The following VWA3B variants were observed in gnomAD, a reference collection of about 807,000 sequenced individuals.
VWA3B encodes the protein von Willebrand factor A domain-containing protein 3B.
VWA3B carries 138 observed loss-of-function variants against 158.3 expected under a neutral mutation model. The ratio of observed to expected loss-of-function variants is 0.87; its 90% CI spans 0.76 to 1.00. VWA3B has a LOEUF of 1.00. VWA3B is among the 50% of genes least tolerant of loss of function. The pLI is 0.00. For synonymous variants in VWA3B, 596 were observed against 587.3 expected (o/e 1.01, Z -0.21); for missense variants, 1,555 against 1,565.1 (o/e 0.99, Z 0.11).
At chr2:98,102,461 G>C (rs1413071428) in intron 2 of VWA3B, among the ~76,000 whole-genome samples, 1 of 152,104 alleles carries the variant, frequency 6.6e-6, no homozygotes, top group African/African-American at 2.4e-5. Flanking sequence ...GCCAGGCAGA[G>C]GTGCTTCTTA....
At position 98,220,970 on chromosome 2, in the gene VWA3B, G is replaced by A. The variant is rs1056479395; in HGVS notation, c.2019+2942G>A. 3.9e-5 allele frequency among the ~76,000 whole-genome samples: 6 copies of A among 152,216 alleles called. No individual in the cohort carries two copies. In the South Asian group the frequency reaches 6.2e-4, roughly 16 times the overall value. On this transcript the variant is annotated intron_variant, in intron 14 of 27. Coordinates refer to ENST00000477737, the MANE Select transcript of VWA3B (RefSeq NM_144992.5). ...GAACATCACACACCTGGGGCCTGTC[G>A]GGGGCGGGGCAGAGGGAGGGAGAGC... is the stretch of plus-strand genomic sequence containing the variant.
chr2:98,135,862 C>T (rs984996293), intron 7 of VWA3B, among the ~76,000 whole-genome samples: 4 of 152,210 alleles, frequency 2.6e-5, no homozygotes, highest in African/African-American at 9.7e-5. Context: ...TGATTTCCCA[C>T]CTCACCTGGG....
At position 98,297,912 on chromosome 2, in the gene VWA3B, G is replaced by C. The variant is rs1689910258; in HGVS notation, c.3163G>C (p.Val1055Leu). 1 of 1,539,138 alleles carries C rather than the reference G, an allele frequency of 6.5e-7. No homozygotes were observed. The highest frequency in any genetic ancestry group is 8.7e-7 in the Non-Finnish European group (1 of 1,142,946). Residue 1055 changes from valine (V) to leucine (L), a missense_variant, in exon 24 of 28, where the codon GTG becomes CTG. Coordinates refer to ENST00000477737, the MANE Select transcript of VWA3B (RefSeq NM_144992.5). ...DENGFYFPGV[V>L]KKCVSRTQAL... is the part of the protein sequence containing the mutation. ...TTTTCTTTGATTCCTTCCAGGGGTT[G>C]TGAAGAAGTGTGTGAGCCGCACCCA... is the stretch of plus-strand genomic sequence containing the variant.
chr2:98,328,634 C>G, the VWA3B span, among the ~76,000 whole-genome samples: 2 of 151,828 alleles, frequency 1.3e-5, no homozygotes, highest in African/African-American at 4.8e-5. Context: ...ATAAATTTAG[C>G]CAAAGAAGAA....
intron 25 of VWA3B, 110 bp downstream of exon 25, chr2:98,300,326 T>G: frequency 2.8e-6 from 4 of 1,443,006 alleles, no homozygotes; most frequent in Non-Finnish European, 3.8e-6. Flanking sequence ...TCTGCTGCCC[T>G]GCTCTCCACT....
At chr2:98,119,398 T>G in intron 3 of VWA3B, 115 bp from the exon 4 acceptor site, 2 of 1,187,214 alleles carry the variant, frequency 1.7e-6, no homozygotes, top group Non-Finnish European at 2.3e-6. Context: ...TTCTGTAGTG[T>G]TTGGAGGGTC....
intron 13 of VWA3B, among the ~76,000 whole-genome samples, chr2:98,215,268 C>T (rs1203076300): frequency 1.3e-5 from 2 of 151,638 alleles, no homozygotes; most frequent in Admixed American, 6.6e-5. Context: ...CGGTGAAACC[C>T]CGTCTCTACT....
At chr2:98,236,817 A>G in intron 19 of VWA3B, 87 bp downstream of exon 19, 1 of 1,506,254 alleles carries the variant, frequency 6.6e-7, no homozygotes. Context: ...GTGTGGTTGT[A>G]ACAGAAATGT....
chr2:98,173,008 T>C (rs1679721417), intron 8 of VWA3B, among the ~76,000 whole-genome samples: 2 of 152,234 alleles, frequency 1.3e-5, no homozygotes, highest in Non-Finnish European at 2.9e-5. Context: ...GAACATATCA[T>C]CTGAGTTTTC....
At chr2:98,133,782 C>T (rs1326500038) in intron 6 of VWA3B, 42 bp from the exon 7 acceptor site, 3 of 1,573,426 alleles carry the variant, frequency 1.9e-6, no homozygotes, top group Non-Finnish European at 2.6e-6. Context: ...TGCACGGACA[C>T]CTGCGTACTG....
chr2:98,128,322 G>T lies in VWA3B; in HGVS notation c.786G>T (p.Pro262=). ...ELLLQRALEI[P]CPVYTVSFNA... is the part of the protein sequence containing the mutation. The stretch of plus-strand genomic sequence containing the variant: ...TCCTCCAGAGGGCCTTGGAGATCCC[G>T]TGTCCAGTCTACACAGTGTCCTTCA... Residue 262 remains proline (P), a synonymous_variant, in exon 6 of 28, where the codon CCG becomes CCT. Coordinates refer to ENST00000477737, the MANE Select transcript of VWA3B (RefSeq NM_144992.5). 1.2e-6 allele frequency: 2 copies of T among 1,614,060 alleles called. No homozygotes were observed. The highest frequency in any genetic ancestry group is 1.7e-6 in the Non-Finnish European group (2 of 1,180,000).
chr2:98,316,724 G>A (rs1691096506), downstream of VWA3B, among the ~76,000 whole-genome samples: 1 of 151,944 alleles, frequency 6.6e-6, no homozygotes, highest in Non-Finnish European at 1.5e-5. Context: ...CATGGGGGTG[G>A]AGTTCTCATT....
At chr2:98,197,049 C>T (rs1228917381) in intron 12 of VWA3B, among the ~76,000 whole-genome samples, 1 of 152,120 alleles carries the variant, frequency 6.6e-6, no homozygotes, top group Non-Finnish European at 1.5e-5. Context: ...TTTTATGTTC[C>T]AAGATCCAGC....
intron 8 of VWA3B, among the ~76,000 whole-genome samples, chr2:98,169,579 A>T (rs1055321764): frequency 1.3e-5 from 2 of 152,224 alleles, no homozygotes; most frequent in Non-Finnish European, 2.9e-5. Context: ...TTAAAGGTGT[A>T]TGAGATATTA....
chr2:98,292,970 A>G (rs896906320), intron 23 of VWA3B, among the ~76,000 whole-genome samples: 3 of 152,056 alleles, frequency 2.0e-5, no homozygotes, highest in Non-Finnish European at 2.9e-5. Flanking sequence ...TCTCCAAAAA[A>G]AAAAGAGAGA....
At chr2:98,090,857 G>A (rs1012337525) in intron 1 of VWA3B, among the ~76,000 whole-genome samples, 15 of 151,630 alleles carry the variant, frequency 9.9e-5, no homozygotes, top group Non-Finnish European at 2.2e-4. Flanking sequence ...CTGGGCTCAA[G>A]CAATCCTCCT....
intron 8 of VWA3B, among the ~76,000 whole-genome samples, chr2:98,171,205 A>G (rs1271723999): frequency 1.3e-5 from 2 of 152,182 alleles, no homozygotes; most frequent in Non-Finnish European, 2.9e-5. Context: ...TAAATAAGAG[A>G]CATGGAACGG....
chr2:98,138,267 T>C (rs1193821903), intron 7 of VWA3B, among the ~76,000 whole-genome samples: 1 of 152,208 alleles, frequency 6.6e-6, no homozygotes, highest in Non-Finnish European at 1.5e-5. Flanking sequence ...GTGGCCAGTG[T>C]CTCCCGTCTG....
downstream of VWA3B, among the ~76,000 whole-genome samples, chr2:98,317,732 A>G (rs572240730): frequency 6.6e-6 from 1 of 152,254 alleles, no homozygotes; most frequent in South Asian, 2.1e-4. Context: ...TTGATGTCTC[A>G]TGTCTCCCTA....
Sources: gnomAD v4.1 joint callset for allele counts (sites outside exome capture counted in the v4.1 genomes callset) on GRCh38, gnomAD v4.1.1 for gene constraint, MANE v1.5 for transcripts, NCBI Gene and HGNC (gene_info 2026-07-23, HGNC 2026-07-21) for gene names.